The following SLC2A13 variants were observed in gnomAD, a reference collection of about 807,000 sequenced individuals.
SLC2A13 encodes proton myo-inositol cotransporter.
Under a neutral mutation model 64.4 loss-of-function variants are expected in SLC2A13, and 32 were observed. The ratio of observed to expected loss-of-function variants is 0.50; its 90% CI spans 0.37 to 0.67. The LOEUF (loss-of-function observed/expected upper bound fraction) is 0.67, where lower values mean the gene tolerates loss of function less well. Among genes scored for constraint, SLC2A13 ranks in the 30% least tolerant of loss-of-function variants. The probability of loss-of-function intolerance (pLI) is 0.00; values close to 1 mark genes in which losing one functional copy is unlikely to be tolerated. For missense variants in SLC2A13, 743 were observed against 829.2 expected (o/e 0.90, Z 1.28); for synonymous variants, 338 against 327.1 (o/e 1.03, Z -0.36).
At position 39,923,713 on chromosome 12, in the gene SLC2A13, C is replaced by A. The variant is rs527249657; in HGVS notation, c.1034+27544G>T. Among the ~76,000 whole-genome samples the A allele has an allele frequency of 1.2e-3, 183 of 151,456 alleles. 2 individuals carry two copies. Among genetic ancestry groups the A allele is most frequent in the African/African-American group, 4.3e-3 (176 of 41,296 alleles). ...GCGCACGCGCACACACACACACACA[C>A]ACACACACACATATATTTTAACACG... is the stretch of plus-strand genomic sequence containing the variant. On this transcript the variant is annotated intron_variant, in intron 4 of 9. Transcript: ENST00000280871.
At chr12:39,798,117 A>G (rs11173631) in intron 7 of SLC2A13, among the ~76,000 whole-genome samples, 4,821 of 152,290 alleles carry the variant, frequency 0.032, 246 homozygotes, top group African/African-American at 0.11. Context: ...GAGGACAGCC[A>G]AGCTGCCCAA....
At chr12:39,771,041 A>G (rs1275103652) in intron 7 of SLC2A13, among the ~76,000 whole-genome samples, 1 of 152,194 alleles carries the variant, frequency 6.6e-6, no homozygotes, top group Non-Finnish European at 1.5e-5. Context: ...ACGTACACAA[A>G]GAATTTCACA....
Position 39,767,560 on chromosome 12 carries a change from T to C in SLC2A13, c.1446-2702A>G, listed in dbSNP as rs1394424420. ...TTTGAAGCTAGACATTGACTTCTCCTCTCTAGCTATGAGAGTCCTGGATGG... is the reference window on the plus strand; with the variant it reads ...TTTGAAGCTAGACATTGACTTCTCCCCTCTAGCTATGAGAGTCCTGGATGG... On this transcript the variant is annotated intron_variant, in intron 7 of 9. Coordinates refer to ENST00000280871, the MANE Select transcript of SLC2A13 (RefSeq NM_052885.4). 3.3e-5 allele frequency among the ~76,000 whole-genome samples: 5 copies of C among 152,154 alleles called. No individual in the cohort carries two copies. The South Asian group carries it at 8.3e-4, about 25-fold the overall frequency.
intron 7 of SLC2A13, among the ~76,000 whole-genome samples, chr12:39,827,687 A>AT (rs1383842813): frequency 6.6e-6 from 1 of 152,116 alleles, no homozygotes; most frequent in Non-Finnish European, 1.5e-5. Flanking sequence ...CTGCTAAATA[A>AT]TTTTTTTAAG....
chr12:40,099,705 A>G (rs1389251605), intron 1 of SLC2A13, among the ~76,000 whole-genome samples: 1 of 152,186 alleles, frequency 6.6e-6, no homozygotes, highest in Non-Finnish European at 1.5e-5. Context: ...AATCCTCACT[A>G]TAACTGCAGT....
intron 7 of SLC2A13, among the ~76,000 whole-genome samples, chr12:39,828,718 T>C (rs943590144): frequency 6.6e-6 from 1 of 152,048 alleles, no homozygotes; most frequent in Non-Finnish European, 1.5e-5. Flanking sequence ...CTTAGTTTTT[T>C]TTTTTTCCTA....
intron 6 of SLC2A13, among the ~76,000 whole-genome samples, chr12:39,839,814 C>A (rs1161045627): frequency 6.6e-6 from 1 of 152,104 alleles, no homozygotes; most frequent in East Asian, 1.9e-4. Context: ...CAGAACTACA[C>A]TTCCAATTGC....
intron 3 of SLC2A13, among the ~76,000 whole-genome samples, chr12:39,991,502 C>T (rs1360397436): frequency 6.6e-6 from 1 of 152,132 alleles, no homozygotes; most frequent in African/African-American, 2.4e-5. Context: ...TTAGCCTCTC[C>T]CAGTCAAGCA....
chr12:39,864,671 C>T (rs1943856226), intron 6 of SLC2A13, 91 bp downstream of exon 6: 1 of 1,521,704 alleles, frequency 6.6e-7, no homozygotes, highest in South Asian at 1.3e-5. Context: ...CCAGCAAGCT[C>T]CTACTCATCT....
intron 6 of SLC2A13, among the ~76,000 whole-genome samples, chr12:39,861,817 C>G (rs1008556341): frequency 3.9e-5 from 6 of 152,096 alleles, no homozygotes; most frequent in African/African-American, 1.2e-4. Flanking sequence ...TTGCATCTGT[C>G]TTTATCTTTG....
At chr12:40,084,920 C>T (rs1171386009) in intron 1 of SLC2A13, among the ~76,000 whole-genome samples, 1 of 152,164 alleles carries the variant, frequency 6.6e-6, no homozygotes, top group Non-Finnish European at 1.5e-5. Flanking sequence ...AAAACCAAGG[C>T]AGGATTAGAT....
chr12:39,785,728 C>T lies in SLC2A13; in HGVS notation c.1446-20870G>A, dbSNP rs181032447. ...GCTCTACCATGCAAAGACACAGGGGCGGAGCTGCCCAAGACCATGGGAACC... is the reference window on the plus strand; with the variant it reads ...GCTCTACCATGCAAAGACACAGGGGTGGAGCTGCCCAAGACCATGGGAACC... On this transcript the variant is annotated intron_variant, in intron 7 of 9. Coordinates refer to ENST00000280871, the MANE Select transcript of SLC2A13 (RefSeq NM_052885.4). 5.2e-3 allele frequency among the ~76,000 whole-genome samples: 795 copies of T among 152,206 alleles called. 5 individuals are homozygous for T. The highest frequency in any genetic ancestry group is 8.8e-3 in the Non-Finnish European group (599 of 68,018).
intron 1 of SLC2A13, among the ~76,000 whole-genome samples, chr12:40,089,580 TCTC>T (rs1938694287): frequency 6.6e-6 from 1 of 152,082 alleles, no homozygotes; most frequent in South Asian, 2.1e-4. Flanking sequence ...GACTTCTTCA[TCTC>T]CTCAACAAAG....
chr12:39,838,814 G>T (rs1008751768), intron 6 of SLC2A13, among the ~76,000 whole-genome samples: 1 of 152,022 alleles, frequency 6.6e-6, no homozygotes, highest in Non-Finnish European at 1.5e-5. Flanking sequence ...CTGTGAAGCT[G>T]GGTGTGAACT....
At chr12:39,980,710 C>T (rs1271342476) in intron 3 of SLC2A13, among the ~76,000 whole-genome samples, 11 of 151,868 alleles carry the variant, frequency 7.2e-5, no homozygotes, top group Non-Finnish European at 4.4e-5. Flanking sequence ...CTTAGACTCC[C>T]ACACAATAAT....
chr12:40,039,867 T>C (rs1948056741), intron 2 of SLC2A13, among the ~76,000 whole-genome samples: 1 of 152,218 alleles, frequency 6.6e-6, no homozygotes, highest in Admixed American at 6.5e-5. Context: ...TGGTGCTATA[T>C]AGTTCATGGG....
rs774384915 is a variant in SLC2A13, at chr12:39,864,826, A to C, written c.1255T>G (p.Ser419Ala). 30 of 1,614,106 alleles carry C rather than the reference A, an allele frequency of 1.9e-5. No individual in the cohort carries two copies. The highest frequency in any genetic ancestry group is 2.3e-5 in the Non-Finnish European group (27 of 1,179,970). The change falls in exon 6 of 10, where the codon TCC becomes GCC. Residue 419 changes from serine (S) to alanine (A), a missense_variant. Coordinates refer to ENST00000280871, the MANE Select transcript of SLC2A13 (RefSeq NM_052885.4). Reference protein sequence around the residue: ...ALGFVLSAQVSPRITFKPIAP... With the variant: ...ALGFVLSAQVAPRITFKPIAP... ...ATTGGCTTAAAAGTGATGCGTGGGGAAACTTGGGCTGATAGCACAAATCCC... is the reference window on the plus strand; with the variant it reads ...ATTGGCTTAAAAGTGATGCGTGGGGCAACTTGGGCTGATAGCACAAATCCC...
intron 3 of SLC2A13, among the ~76,000 whole-genome samples, chr12:39,983,164 T>A (rs1056777529): frequency 6.6e-6 from 1 of 151,782 alleles, no homozygotes. Context: ...TTACACCTTA[T>A]ACAAAACTCA....
At chr12:39,939,135 A>G (rs1592300746) in intron 4 of SLC2A13, among the ~76,000 whole-genome samples, 1 of 152,056 alleles carries the variant, frequency 6.6e-6, no homozygotes, top group African/African-American at 2.4e-5. Flanking sequence ...CTGCTTACCA[A>G]TGCTCTCTTT....
Sources: allele counts gnomAD v4.1 joint callset (sites outside exome capture counted in the v4.1 genomes callset), GRCh38; gene constraint gnomAD v4.1.1; transcripts MANE v1.5; gene names NCBI Gene and HGNC (gene_info 2026-07-23, HGNC 2026-07-21).